Variants in USP32 observed in about 807,000 individuals in gnomAD.
The protein encoded by USP32 is ubiquitin specific peptidase 32.
Under a neutral mutation model 204.8 loss-of-function variants are expected in USP32, and 59 were observed. The observed-to-expected ratio is 0.29, with a 90% CI of 0.23 to 0.36. The LOEUF is 0.36. USP32 is among the 10% of genes least tolerant of loss of function. The pLI is 1.00. For missense variants in USP32, 1,160 were observed against 1,946.4 expected (o/e 0.60, Z 7.60); for synonymous variants, 517 against 678.4 (o/e 0.76, Z 3.70).
At chr17:60,340,291 C>T (rs936465605) in intron 2 of USP32, among the ~76,000 whole-genome samples, 2 of 152,142 alleles carry the variant, frequency 1.3e-5, no homozygotes, top group Non-Finnish European at 2.9e-5. Context: ...AAATTACCAG[C>T]CCTGCCAAGC....
intron 2 of USP32, chr17:60,304,904 T>C (rs1348022209): frequency 6.6e-6 from 1 of 152,238 alleles, no homozygotes; most frequent in Non-Finnish European, 1.5e-5. Flanking sequence ...GTAAGTTATT[T>C]ACCAGTATTA....
chr17:60,222,220 T>C (rs960004467), intron 15 of USP32, among the ~76,000 whole-genome samples, 189 bp downstream of exon 15: 3 of 152,218 alleles, frequency 2.0e-5, no homozygotes, highest in Non-Finnish European at 4.4e-5. Context: ...TCCTATTTCC[T>C]TGCCTTTATT....
intron 1 of USP32, among the ~76,000 whole-genome samples, chr17:60,376,220 T>A (rs1345752743): frequency 6.6e-6 from 1 of 151,794 alleles, no homozygotes; most frequent in African/African-American, 2.4e-5. Context: ...TATAATCCGA[T>A]TTTTTATTTG....
chr17:60,375,696 T>G (rs913526720), intron 1 of USP32, among the ~76,000 whole-genome samples: 1 of 152,088 alleles, frequency 6.6e-6, no homozygotes, highest in Non-Finnish European at 1.5e-5. Context: ...CTCCGCCTCC[T>G]GGGTTCAAGT....
chr17:60,201,226 C>T (rs1167824010), intron 26 of USP32, among the ~76,000 whole-genome samples: 3 of 152,166 alleles, frequency 2.0e-5, no homozygotes, highest in Non-Finnish European at 4.4e-5. Flanking sequence ...CTCTATATAA[C>T]TACAAATCCA....
chr17:60,205,383 A>C (rs1442371283), intron 26 of USP32, 64 bp downstream of exon 26: 153 of 1,579,438 alleles, frequency 9.7e-5, no homozygotes, highest in African/African-American at 9.0e-4. Flanking sequence ...GCAAAGACAG[A>C]AAATGACTAT....
In USP32 at chr17:60,214,792, A is replaced by C. The variant is rs2085059924; in HGVS notation, c.1868-18T>G. ...TACATTTCCTATGGTTACAGTAATC[A>C]CAGTAAGAAAAAAGGCAGATGTGAA... On this transcript the variant is annotated intron_variant, in intron 16 of 33. Coordinates refer to ENST00000300896, the MANE Select transcript of USP32 (RefSeq NM_032582.4). The C allele has an allele frequency of 6.2e-7, 1 of 1,613,860 alleles. No individual in the cohort carries two copies. Among genetic ancestry groups the C allele is most frequent in the African/African-American group, 1.3e-5 (1 of 74,930 alleles).
intron 21 of USP32, among the ~76,000 whole-genome samples, chr17:60,210,673 T>C (rs886414807): frequency 7.9e-5 from 12 of 152,258 alleles, no homozygotes; most frequent in African/African-American, 2.9e-4. Context: ...TTGGATGTAA[T>C]TAATAAGACT....
rs192624255 is a variant in USP32 at position 60,311,808 on chromosome 17, A to T, written c.187-10104T>A. 2.0e-5 allele frequency among the ~76,000 whole-genome samples: 3 copies of T among 152,288 alleles called. No individual in the cohort carries two copies. In the East Asian group the frequency reaches 5.8e-4, roughly 29 times the overall value. On this transcript the variant is annotated intron_variant, in intron 2 of 33. Coordinates refer to ENST00000300896, the MANE Select transcript of USP32 (RefSeq NM_032582.4). Reference sequence around the variant, plus strand: ...CCATTGCACTCCAGCCTGGGCAACAAGAGCGAAATTCCACCTCAAACAAAA... The same window carrying T: ...CCATTGCACTCCAGCCTGGGCAACATGAGCGAAATTCCACCTCAAACAAAA...
intron 31 of USP32, among the ~76,000 whole-genome samples, chr17:60,182,895 G>A (rs993031218): frequency 1.3e-5 from 2 of 152,290 alleles, no homozygotes; most frequent in East Asian, 1.9e-4. Flanking sequence ...CCTGTTTACC[G>A]TATATCAGGC....
intron 1 of USP32, among the ~76,000 whole-genome samples, chr17:60,402,181 C>A (rs1389440225): frequency 3.3e-5 from 5 of 151,136 alleles, no homozygotes; most frequent in East Asian, 2.0e-4. Context: ...GTTGTCCCTT[C>A]AAAAGAGAAA....
At chr17:60,207,257 A>G in intron 24 of USP32, 125 bp from the exon 25 acceptor site, 1 of 1,409,074 alleles carries the variant, frequency 7.1e-7, no homozygotes. Context: ...GAGATGATTG[A>G]ATAATTTTTC....
chr17:60,306,670 A>C (rs1042100359), intron 2 of USP32, among the ~76,000 whole-genome samples: 1 of 152,148 alleles, frequency 6.6e-6, no homozygotes, highest in African/African-American at 2.4e-5. Context: ...AGCTATTAAA[A>C]AAGGAAAGGC....
At chr17:60,213,762 A>C in intron 17 of USP32, 100 bp from the exon 18 acceptor site, 1 of 1,410,846 alleles carries the variant, frequency 7.1e-7, no homozygotes, top group South Asian at 1.4e-5. Flanking sequence ...ACTTCTTTGT[A>C]GTTATATAAC....
At chr17:60,344,253 C>T (rs916900544) in intron 2 of USP32, among the ~76,000 whole-genome samples, 14 of 145,882 alleles carry the variant, frequency 9.6e-5, no homozygotes, top group Non-Finnish European at 1.4e-4. Context: ...CTCAGCCTCC[C>T]GAGTAGCTGG....
intron 1 of USP32, chr17:60,421,176 G>A (rs112820197): frequency 0.019 from 3,610 of 187,822 alleles, 168 homozygotes; most frequent in African/African-American, 0.081. Context: ...AAAATAATCT[G>A]GAATTAATGA....
chr17:60,195,783 C>G (rs2084498747), intron 27 of USP32, among the ~76,000 whole-genome samples: 1 of 152,176 alleles, frequency 6.6e-6, no homozygotes, highest in Non-Finnish European at 1.5e-5. Flanking sequence ...GGTCTCAGGG[C>G]TTTAAATACA....
chr17:60,371,342 G>A (rs1025007733), intron 1 of USP32, among the ~76,000 whole-genome samples: 1 of 151,878 alleles, frequency 6.6e-6, no homozygotes, highest in Admixed American at 6.6e-5. Flanking sequence ...CAAGGCGGGT[G>A]GATCACCTGA....
rs535975076 is a variant in USP32 at position 60,180,914 on chromosome 17, G to T, written c.4549-277C>A. 5.4e-3 allele frequency among the ~76,000 whole-genome samples: 825 copies of T among 151,516 alleles called. 4 individuals carry two copies. Among genetic ancestry groups the T allele is most frequent in the Middle Eastern group, 0.017 (5 of 290 alleles). On this transcript the variant is annotated intron_variant, in intron 32 of 33. Coordinates refer to ENST00000300896, the MANE Select transcript of USP32 (RefSeq NM_032582.4). Reference sequence around the variant, plus strand: ...TATTATTATTTTGAGACAGGGACTTGCTCTATCACCCAGGCTGGGGTGCAG... The same window carrying T: ...TATTATTATTTTGAGACAGGGACTTTCTCTATCACCCAGGCTGGGGTGCAG...
Sources: allele counts gnomAD v4.1 joint callset (sites outside exome capture counted in the v4.1 genomes callset), GRCh38; gene constraint gnomAD v4.1.1; transcripts MANE v1.5; gene names NCBI Gene and HGNC (gene_info 2026-07-23, HGNC 2026-07-21).